The following PSMC2 variants were observed in gnomAD, a reference collection of about 807,000 sequenced individuals.
PSMC2 encodes the protein 26S proteasome regulatory subunit 7.
PSMC2 carries 7 observed loss-of-function variants against 53.3 expected under a neutral mutation model. That is an observed-to-expected ratio of 0.13 (90% confidence interval 0.07 to 0.25). The LOEUF is 0.25. Ranked by LOEUF, PSMC2 falls within the 10% of genes least tolerant of loss-of-function variation. The pLI is 1.00. For synonymous variants in PSMC2, 169 were observed against 183.9 expected (o/e 0.92, Z 0.66); for missense variants, 241 against 544.0 (o/e 0.44, Z 5.54).
At position 103,349,809 on chromosome 7, in the gene PSMC2, CT is replaced by C. The variant is rs200587968; in HGVS notation, c.70+2033del. Among the ~76,000 whole-genome samples the C allele has an allele frequency of 2.9e-3, 445 of 152,286 alleles. 2 individuals carry two copies. Among genetic ancestry groups the C allele is most frequent in the African/African-American group, 0.01 (436 of 41,560 alleles). On this transcript the variant is annotated intron_variant, in intron 1 of 11. Transcript: ENST00000292644. ...TCAACTTGGTCCTAATTGCAGTTAA[CT>C]TTTTGTGAATCTCCTATTGACTCAC... is the stretch of plus-strand genomic sequence containing the variant.
Position 103,368,253 on chromosome 7 carries a change from G to T in PSMC2, c.*199G>T. On this transcript the variant is annotated 3_prime_UTR_variant, in exon 12 of 12. Coordinates refer to ENST00000292644, the MANE Select transcript of PSMC2 (RefSeq NM_002803.4). ...TAGAATATATTTTGACTATTTTTTT[G>T]ACCCACACCCGTTTAAGGATTTCAC... The T allele has an allele frequency of 1.8e-6, 1 of 556,254 alleles. No homozygotes were observed. The allele number at this position is 556,254 out of a possible 1,614,324, so 34.5% of individuals were successfully genotyped here.
At chr7:103,365,594 A>T (rs1820674413) in intron 8 of PSMC2, among the ~76,000 whole-genome samples, 1 of 152,156 alleles carries the variant, frequency 6.6e-6, no homozygotes, top group Non-Finnish European at 1.5e-5. Flanking sequence ...GTGCCATTGC[A>T]CACCAGCCTG....
At chr7:103,354,192 G>A (rs1225453401) in intron 2 of PSMC2, among the ~76,000 whole-genome samples, 2 of 152,152 alleles carry the variant, frequency 1.3e-5, no homozygotes, top group Admixed American at 6.5e-5. Flanking sequence ...TATTTGGCAT[G>A]TCTCAGTTTA....
intron 7 of PSMC2, 27 bp from the exon 8 acceptor site, chr7:103,364,116 A>G: frequency 1.2e-6 from 2 of 1,605,738 alleles, no homozygotes; most frequent in Non-Finnish European, 1.7e-6. Context: ...AGAAGTGGTA[A>G]GTGTGAAAAT....
intron 5 of PSMC2, 109 bp from the exon 6 acceptor site, chr7:103,362,577 G>GTCTCT: frequency 7.0e-7 from 1 of 1,435,400 alleles, no homozygotes; most frequent in Non-Finnish European, 9.5e-7. Flanking sequence ...TAGGGACTCT[G>GTCTCT]TCTCTCTCTT....
chr7:103,360,019 TGC>T (rs1820286885), intron 4 of PSMC2, among the ~76,000 whole-genome samples: 1 of 151,492 alleles, frequency 6.6e-6, no homozygotes, highest in African/African-American at 2.4e-5. Context: ...AGGCGGAAGT[TGC>T]AGTGAGTCAA....
Position 103,368,985 on chromosome 7 carries a change from T to C in PSMC2, c.*931T>C, listed in dbSNP as rs1330101083. 1 of 152,168 alleles carries C rather than the reference T, an allele frequency of 6.6e-6. No homozygotes were observed. The allele number at this position is 152,168 out of a possible 1,614,324, so 9.4% of individuals were successfully genotyped here. A position where few individuals can be genotyped will look rare whatever the true frequency, so the allele number is the denominator to read the frequency against. On this transcript the variant is annotated 3_prime_UTR_variant, in exon 12 of 12. Coordinates refer to ENST00000292644, the MANE Select transcript of PSMC2 (RefSeq NM_002803.4). ...CACCAAATCCTATCTTCTACCACAA[T>C]TACCCCTTCCCCCAATGCCAAGACC...
At chr7:103,353,319 C>G (rs751389353) in intron 1 of PSMC2, among the ~76,000 whole-genome samples, 5 of 151,350 alleles carry the variant, frequency 3.3e-5, no homozygotes, top group Admixed American at 1.3e-4. Flanking sequence ...TTTTCTTTTT[C>G]TTTTTGAGAT....
intron 4 of PSMC2, among the ~76,000 whole-genome samples, chr7:103,360,675 T>C (rs978154406): frequency 6.6e-5 from 10 of 152,208 alleles, no homozygotes; most frequent in Non-Finnish European, 1.5e-4. Context: ...CTAATGTGAG[T>C]TCTGTTTTTT....
intron 7 of PSMC2, 106 bp from the exon 8 acceptor site, chr7:103,364,037 G>A: frequency 9.5e-7 from 1 of 1,054,812 alleles, no homozygotes; most frequent in South Asian, 1.8e-5. Context: ...TTAAAGTATG[G>A]TTTTCAGGAT....
intron 1 of PSMC2, among the ~76,000 whole-genome samples, chr7:103,352,013 T>C (rs1429955118): frequency 6.6e-6 from 1 of 151,972 alleles, no homozygotes; most frequent in Non-Finnish European, 1.5e-5. Flanking sequence ...GAGCTAATTC[T>C]TCCTAAGGCA....
chr7:103,348,674 C>G, intron 1 of PSMC2: 1 of 1,588,496 alleles, frequency 6.3e-7, no homozygotes, highest in Non-Finnish European at 8.6e-7. Flanking sequence ...CGCGTCTGTT[C>G]AAACCGGCAC....
At chr7:103,359,318 A>G (rs1304799877) in intron 4 of PSMC2, among the ~76,000 whole-genome samples, 1 of 151,772 alleles carries the variant, frequency 6.6e-6, no homozygotes, top group Non-Finnish European at 1.5e-5. Flanking sequence ...TTTTTTTAAT[A>G]ACAATCTTAC....
chr7:103,364,001 T>A, intron 7 of PSMC2, 142 bp from the exon 8 acceptor site: 2 of 768,306 alleles, frequency 2.6e-6, no homozygotes, highest in Non-Finnish European at 4.0e-6. Flanking sequence ...ATGTATATTG[T>A]GGACTTAATA....
intron 1 of PSMC2, chr7:103,348,666 C>CGTCT (rs1415906033): frequency 4.4e-6 from 7 of 1,574,754 alleles, no homozygotes; most frequent in Non-Finnish European, 6.1e-6. Flanking sequence ...GCTCTTGTCG[C>CGTCT]GTCTGTTCAA....
intron 1 of PSMC2, 64 bp downstream of exon 1, chr7:103,347,845 G>A: frequency 1.3e-6 from 2 of 1,576,046 alleles, no homozygotes; most frequent in East Asian, 2.2e-5. Flanking sequence ...CCTTGGCACT[G>A]GAGAGGAGCT....
At chr7:103,350,479 A>G (rs1196510619) in intron 1 of PSMC2, among the ~76,000 whole-genome samples, 2 of 151,962 alleles carry the variant, frequency 1.3e-5, no homozygotes, top group East Asian at 1.9e-4. Context: ...CCCACAGTAC[A>G]TTTCTTTACT....
Position 103,363,334 on chromosome 7 carries a change from CCT to C in PSMC2, c.496-5_496-4del, listed in dbSNP as rs1563493989. 1.3e-6 allele frequency: 2 copies of C among 1,599,134 alleles called. No homozygotes were observed. Among genetic ancestry groups the C allele is most frequent in the African/African-American group, 2.7e-5 (2 of 74,530 alleles). ...TGACTGTATGTTGTACATTTCTGTC[CCT>C]CTCTTAGGTGGAAGAGAAACCTGAT... On this transcript the variant is annotated splice_region_variant and splice_polypyrimidine_tract_variant and intron_variant, in intron 6 of 11. Coordinates refer to ENST00000292644, the MANE Select transcript of PSMC2 (RefSeq NM_002803.4).
At chr7:103,352,870 T>A in intron 1 of PSMC2, 2 of 780,952 alleles carry the variant, frequency 2.6e-6, no homozygotes, top group Non-Finnish European at 4.8e-6. Context: ...CTGAACTGCT[T>A]GGATTACACG....
Sources: allele counts gnomAD v4.1 joint callset (sites outside exome capture counted in the v4.1 genomes callset), GRCh38; gene constraint gnomAD v4.1.1; transcripts MANE v1.5; gene names NCBI Gene and HGNC (gene_info 2026-07-23, HGNC 2026-07-21).